Variants in NEK1 observed in about 807,000 individuals in gnomAD.
NEK1 encodes the protein NIMA related kinase 1, also known as serine/threonine-protein kinase Nek1.
A neutral mutation model predicts 182.1 loss-of-function variants in NEK1; 137 were observed. That is an observed-to-expected ratio of 0.75 (90% CI 0.65 to 0.87). NEK1 has a LOEUF of 0.87. NEK1 is among the 40% of genes least tolerant of loss of function. NEK1 has a pLI of 0.00. For missense variants in NEK1, 1,391 were observed against 1,494.4 expected (o/e 0.93, Z 1.14); for synonymous variants, 513 against 492.2 (o/e 1.04, Z -0.56).
chr4:169,602,679 C>A lies in NEK1; in HGVS notation c.-48-1G>T, dbSNP rs1364329248. On this transcript the variant is annotated splice_acceptor_variant, in intron 2 of 35. Coordinates refer to ENST00000507142, the MANE Select transcript of NEK1 (RefSeq NM_001199397.3). LOFTEE classifies it low-confidence loss of function (5UTR_SPLICE). Reference sequence around the variant, plus strand: ...ACAGATATGCTAGACATTTAAAAAACTAACAAAAAAGATAAAGCATTTATA... The same window carrying A: ...ACAGATATGCTAGACATTTAAAAAAATAACAAAAAAGATAAAGCATTTATA... 7 of 970,140 alleles carry A rather than the reference C, an allele frequency of 7.2e-6. No individual in the cohort carries two copies. The highest frequency in any genetic ancestry group is 4.1e-5 in the Admixed American group (2 of 48,738). 60.1% of individuals were successfully genotyped at this position (970,140 alleles called of 1,614,324 possible). A position where few individuals can be genotyped will look rare whatever the true frequency, so the allele number is the denominator to read the frequency against.
chr4:169,561,553 A>G lies in NEK1; in HGVS notation c.1193T>C (p.Leu398Ser). The G allele has an allele frequency of 1.9e-6, 3 of 1,612,924 alleles. No homozygotes were observed. The highest frequency in any genetic ancestry group is 1.7e-6 in the Non-Finnish European group (2 of 1,179,394). The part of the protein sequence containing the change: ...EQMKRQEKER[L>S]ERINRAREQG... ...TTCCCTGGCCCTATTTATTCTTTCC[A>G]ACTTTGGGGAAAAGAAATAAACAAA... The change falls in exon 16 of 36, where the codon TTG (leucine) becomes TCG (serine). Residue 398 changes from leucine (L) to serine (S), a missense_variant and splice_region_variant. Coordinates refer to ENST00000507142, the MANE Select transcript of NEK1 (RefSeq NM_001199397.3).
At chr4:169,488,244 T>C (rs1050480165) in intron 23 of NEK1, among the ~76,000 whole-genome samples, 32 of 152,124 alleles carry the variant, frequency 2.1e-4, no homozygotes, top group Admixed American at 2.6e-4. Context: ...GAAATCTTTA[T>C]TTGTGCCTGT....
At chr4:169,580,279 C>T (rs999414262) in intron 11 of NEK1, among the ~76,000 whole-genome samples, 1 of 151,966 alleles carries the variant, frequency 6.6e-6, no homozygotes, top group African/African-American at 2.4e-5. Context: ...GGTGGATCAC[C>T]TGAGGTTGGG....
chr4:169,477,315 A>G lies in NEK1; in HGVS notation c.2243T>C (p.Leu748Pro). Reference protein sequence around the residue: ...REILRRLNENLKAQEDEKGKQ... With the variant: ...REILRRLNENPKAQEDEKGKQ... ...TCCTTTTTCATCTTCTTGAGCTTTAAGATTTTCATTTAATCTACGAAGTAT... is the reference window on the plus strand; with the variant it reads ...TCCTTTTTCATCTTCTTGAGCTTTAGGATTTTCATTTAATCTACGAAGTAT... Residue 748 changes from leucine to proline, a missense_variant, in exon 26 of 36, where the codon CTT becomes CCT. Transcript: ENST00000507142. 1.3e-6 allele frequency: 2 copies of G among 1,582,312 alleles called. No individual in the cohort carries two copies. Among genetic ancestry groups the G allele is most frequent in the East Asian group, 2.3e-5 (1 of 43,802 alleles).
At chr4:169,549,429 T>C (rs1487998138) in intron 18 of NEK1, among the ~76,000 whole-genome samples, 2 of 152,216 alleles carry the variant, frequency 1.3e-5, no homozygotes, top group African/African-American at 2.4e-5. Flanking sequence ...GCCCATCTTT[T>C]GTTTTTGTTT....
Position 169,590,808 on chromosome 4 carries a change from A to G in NEK1, c.314T>C (p.Ile105Thr), listed in dbSNP as rs1333590290. 2 of 1,585,736 alleles carry G rather than the reference A, an allele frequency of 1.3e-6. No individual in the cohort carries two copies. The highest frequency in any genetic ancestry group is 1.7e-6 in the Non-Finnish European group (2 of 1,163,310). The stretch of plus-strand genomic sequence containing the variant: ...ACATATCTGTACAAACCAGTCCAAA[A>G]TCTAGGAAGAAAAATCAGATCTGTC... The part of the protein sequence containing the change: ...QKGVLFQEDQ[I>T]LDWFVQICLA... The change falls in exon 6 of 36, where the codon ATT becomes ACT. Residue 105 changes from isoleucine (I) to threonine (T), a missense_variant and splice_region_variant. By Grantham distance (89) the Ile-to-Thr change is moderately conservative (BLOSUM62 -1). Transcript: ENST00000507142.
intron 31 of NEK1, among the ~76,000 whole-genome samples, chr4:169,414,206 C>T (rs1340911893): frequency 6.6e-6 from 1 of 151,976 alleles, no homozygotes; most frequent in Admixed American, 6.6e-5. Flanking sequence ...GTGAACAATG[C>T]AAGGCTGTTT....
At chr4:169,458,540 C>T (rs1238184104) in intron 27 of NEK1, among the ~76,000 whole-genome samples, 1 of 152,100 alleles carries the variant, frequency 6.6e-6, no homozygotes, top group Non-Finnish European at 1.5e-5. Flanking sequence ...CCAGCCTAAG[C>T]AACACGGAGA....
intron 19 of NEK1, among the ~76,000 whole-genome samples, chr4:169,514,697 T>G (rs1484649465): frequency 6.6e-6 from 1 of 152,206 alleles, no homozygotes; most frequent in Non-Finnish European, 1.5e-5. Context: ...GATCTATAAT[T>G]ATACCCATTT....
chr4:169,407,473 T>C (rs1732853694), intron 31 of NEK1, among the ~76,000 whole-genome samples: 1 of 152,198 alleles, frequency 6.6e-6, no homozygotes, highest in Non-Finnish European at 1.5e-5. Context: ...GGACAAGCAC[T>C]TTGATGTCAA....
At chr4:169,426,777 A>C (rs570979015) in intron 29 of NEK1, among the ~76,000 whole-genome samples, 1 of 152,366 alleles carries the variant, frequency 6.6e-6, no homozygotes, top group South Asian at 2.1e-4. Context: ...AGAATAGGCA[A>C]GATATACTGT....
At chr4:169,504,448 T>A (rs1397421187) in intron 23 of NEK1, among the ~76,000 whole-genome samples, 2 of 152,192 alleles carry the variant, frequency 1.3e-5, no homozygotes, top group African/African-American at 4.8e-5. Flanking sequence ...ATTGCAGGAC[T>A]AGTCACAATA....
intron 19 of NEK1, among the ~76,000 whole-genome samples, chr4:169,531,612 G>T (rs187176073): frequency 5.3e-5 from 8 of 152,034 alleles, no homozygotes; most frequent in African/African-American, 1.9e-4. Context: ...GTAAGAGATG[G>T]TATGGCATAG....
At position 169,561,831 on chromosome 4, in the gene NEK1, C is replaced by T. The variant is rs1179040003; in HGVS notation, c.1140+1G>A. The T allele has an allele frequency of 6.2e-7, 1 of 1,610,088 alleles. No individual in the cohort carries two copies. ...GTAGAAAAACAAGAGCAAAAAACTA[C>T]CTGATCCTTTTGTTTCTTTTCTTTT... is the stretch of plus-strand genomic sequence containing the variant. On this transcript the variant is annotated splice_donor_variant, in intron 14 of 35. Coordinates refer to ENST00000507142, the MANE Select transcript of NEK1 (RefSeq NM_001199397.3). LOFTEE classifies it high-confidence loss of function.
intron 16 of NEK1, among the ~76,000 whole-genome samples, chr4:169,558,051 T>C (rs2149922286): frequency 6.6e-6 from 1 of 152,322 alleles, no homozygotes; most frequent in South Asian, 2.1e-4. Flanking sequence ...AGGTGGTCCT[T>C]ACATACATCC....
At position 169,467,309 on chromosome 4, in the gene NEK1, C is replaced by G. The variant is rs114333898; in HGVS notation, c.2435-3914G>C. 1.7e-3 allele frequency among the ~76,000 whole-genome samples: 264 copies of G among 152,104 alleles called. 1 individual carries two copies. The highest frequency in any genetic ancestry group is 5.5e-3 in the African/African-American group (230 of 41,500). On this transcript the variant is annotated intron_variant, in intron 26 of 35. Transcript: ENST00000507142. ...GACTACACGGGGGATTCAACACCCC[C>G]AACCCCCGTATTATTCAAGGGTCAA...
chr4:169,459,780 A>G (rs928910660), intron 27 of NEK1, among the ~76,000 whole-genome samples: 3 of 152,214 alleles, frequency 2.0e-5, no homozygotes, highest in African/African-American at 4.8e-5. Flanking sequence ...ATCCAATCTG[A>G]AAAGAGTACA....
intron 6 of NEK1, among the ~76,000 whole-genome samples, chr4:169,590,232 T>C (rs550145628): frequency 6.6e-6 from 1 of 152,196 alleles, no homozygotes; most frequent in South Asian, 2.1e-4. Context: ...CGCTTGAACC[T>C]GGGAGGCGGA....
At chr4:169,445,652 TAAG>T (rs1192095127) in intron 27 of NEK1, among the ~76,000 whole-genome samples, 3 of 150,304 alleles carry the variant, frequency 2.0e-5, no homozygotes, top group Admixed American at 6.6e-5. Flanking sequence ...GTGAAAATAA[TAAG>T]ATGATGAGGA....
Sources: gnomAD v4.1 joint callset for allele counts (sites outside exome capture counted in the v4.1 genomes callset) on GRCh38, gnomAD v4.1.1 for gene constraint, MANE v1.5 for transcripts, NCBI Gene and HGNC (gene_info 2026-07-23, HGNC 2026-07-21) for gene names.